FAM135B: variants seen among roughly 807,000 people sequenced by gnomAD.
FAM135B encodes protein FAM135B.
A neutral mutation model predicts 127.7 loss-of-function variants in FAM135B; 43 were observed. That is an observed-to-expected ratio of 0.34 (90% CI 0.26 to 0.43). The LOEUF (loss-of-function observed/expected upper bound fraction) is 0.43, where lower values mean the gene tolerates loss of function less well. FAM135B is among the 20% of genes least tolerant of loss of function. FAM135B has a pLI of 1.00. For missense variants in FAM135B, 1,558 were observed against 1,725.6 expected (o/e 0.90, Z 1.72); for synonymous variants, 670 against 665.1 (o/e 1.01, Z -0.11).
chr8:138,496,253 C>A (rs1028336702), intron 1 of FAM135B, among the ~76,000 whole-genome samples: 5 of 152,160 alleles, frequency 3.3e-5, no homozygotes, highest in African/African-American at 1.2e-4. Flanking sequence ...ACAGGAAGAA[C>A]GGGTCTGTGC....
chr8:138,469,682 G>A lies in FAM135B; in HGVS notation c.-20+26989C>T, dbSNP rs557776268. Among the ~76,000 whole-genome samples the A allele has an allele frequency of 3.5e-4, 54 of 152,272 alleles. No individual in the cohort carries two copies. In the South Asian group the frequency reaches 6.4e-3, roughly 18 times the overall value. On this transcript the variant is annotated intron_variant, in intron 1 of 19. Transcript: ENST00000395297. ...TGTCTTGAGGCAGGTGGCATAGCAG[G>A]ACAAATACAAGATTAGAAAGAAGAT...
At chr8:138,416,683 C>G (rs1834174338) in intron 1 of FAM135B, among the ~76,000 whole-genome samples, 1 of 152,096 alleles carries the variant, frequency 6.6e-6, no homozygotes, top group Non-Finnish European at 1.5e-5. Flanking sequence ...AAAGATTTTA[C>G]TTTTGAGCAA....
chr8:138,353,991 C>A (rs931430929), intron 2 of FAM135B, among the ~76,000 whole-genome samples: 27 of 152,098 alleles, frequency 1.8e-4, no homozygotes, highest in African/African-American at 6.0e-4. Flanking sequence ...AACTTCTTAA[C>A]CATCACTGCA....
At chr8:138,426,577 C>T (rs917517023) in intron 1 of FAM135B, among the ~76,000 whole-genome samples, 4 of 150,874 alleles carry the variant, frequency 2.7e-5, no homozygotes, top group Admixed American at 2.0e-4. Flanking sequence ...TATGAGAATG[C>T]TATTATCATT....
chr8:138,145,392 A>G (rs1209879566), intron 15 of FAM135B, among the ~76,000 whole-genome samples: 2 of 152,132 alleles, frequency 1.3e-5, no homozygotes, highest in East Asian at 3.9e-4. Context: ...CCTGGAGATC[A>G]TATATAGTAT....
intron 12 of FAM135B, among the ~76,000 whole-genome samples, chr8:138,155,391 C>T (rs1264532390): frequency 6.6e-6 from 1 of 152,144 alleles, no homozygotes; most frequent in Admixed American, 6.5e-5. Context: ...CATCAACTAA[C>T]GAGCAAAATA....
chr8:138,139,047 C>A lies in FAM135B; in HGVS notation c.3840G>T (p.Leu1280=). 1 of 1,614,008 alleles carries A rather than the reference C, an allele frequency of 6.2e-7. No homozygotes were observed. Among genetic ancestry groups the A allele is most frequent in the South Asian group, 1.1e-5 (1 of 91,064 alleles). Residue 1280 remains leucine, a synonymous_variant, in exon 18 of 20, where the codon CTG becomes CTT. Transcript: ENST00000395297. ...GCAAATCAGCATTATCCCTGAAGGT[C>A]AGCTGCAGTAGAGACCCGGATTTCT... The part of the protein sequence containing the change: ...KLKKSGSLLQ[L]TFRDNADLRK...
chr8:138,306,000 C>A (rs1587026256), intron 3 of FAM135B, among the ~76,000 whole-genome samples: 1 of 152,118 alleles, frequency 6.6e-6, no homozygotes, highest in Non-Finnish European at 1.5e-5. Flanking sequence ...GTGAAAGTAG[C>A]ATTCAATTTG....
At chr8:138,235,981 G>T (rs1254560351) in intron 7 of FAM135B, among the ~76,000 whole-genome samples, 7 of 152,130 alleles carry the variant, frequency 4.6e-5, no homozygotes, top group Non-Finnish European at 1.0e-4. Flanking sequence ...CCACTGCAAG[G>T]CCAAACCTAT....
At chr8:138,410,344 G>A (rs768212738) in intron 1 of FAM135B, among the ~76,000 whole-genome samples, 1 of 152,134 alleles carries the variant, frequency 6.6e-6, no homozygotes, top group Non-Finnish European at 1.5e-5. Context: ...CGATGCCCTT[G>A]TGTGATCCTA....
intron 1 of FAM135B, among the ~76,000 whole-genome samples, chr8:138,444,510 C>T (rs968056246): frequency 6.6e-6 from 1 of 152,110 alleles, no homozygotes. Context: ...CTCAAAACCG[C>T]TCAACTACAT....
At chr8:138,318,768 C>G (rs1587074647) in intron 2 of FAM135B, among the ~76,000 whole-genome samples, 1 of 152,174 alleles carries the variant, frequency 6.6e-6, no homozygotes, top group Admixed American at 6.5e-5. Context: ...ACTTCAAGAA[C>G]TTAATTATAT....
chr8:138,467,807 C>T (rs990675479), intron 1 of FAM135B, among the ~76,000 whole-genome samples: 1 of 152,090 alleles, frequency 6.6e-6, no homozygotes, highest in South Asian at 2.1e-4. Context: ...TATCTATAAG[C>T]AAATTTCTTG....
chr8:138,433,764 G>A (rs368056076), intron 1 of FAM135B, among the ~76,000 whole-genome samples: 4 of 152,176 alleles, frequency 2.6e-5, no homozygotes, highest in African/African-American at 9.6e-5. Context: ...GATTTAAGAA[G>A]CTCAACCCAG....
intron 15 of FAM135B, 120 bp downstream of exon 15, chr8:138,145,839 C>G: frequency 1.7e-6 from 1 of 587,800 alleles, no homozygotes; most frequent in Non-Finnish European, 3.0e-6. Context: ...GCCTGGCCAG[C>G]ATCTCTTTTC....
rs951761054 is a variant in FAM135B at position 138,278,052 on chromosome 8, C to T, written c.158-12210G>A. On this transcript the variant is annotated intron_variant, in intron 3 of 19. Transcript: ENST00000395297. ...GCCCCTTGTGCTCAGCCCCCAGCAACGTATAGAGGGCTGGCTGATGGTGCC... is the reference window on the plus strand; with the variant it reads ...GCCCCTTGTGCTCAGCCCCCAGCAATGTATAGAGGGCTGGCTGATGGTGCC... 8.5e-5 allele frequency among the ~76,000 whole-genome samples: 13 copies of T among 152,060 alleles called. No individual in the cohort carries two copies. The East Asian group carries it at 9.8e-4, about 11-fold the overall frequency.
intron 7 of FAM135B, among the ~76,000 whole-genome samples, chr8:138,232,658 C>T (rs1277534171): frequency 6.6e-6 from 1 of 152,072 alleles, no homozygotes; most frequent in East Asian, 1.9e-4. Flanking sequence ...TGCAAAAGTG[C>T]TTGACATCTT....
In FAM135B at chr8:138,388,744, G is replaced by T. The variant is rs1363196009; in HGVS notation, c.-19-20742C>A. Among the ~76,000 whole-genome samples the T allele has an allele frequency of 2.6e-5, 4 of 152,176 alleles. 1 individual carries two copies. The East Asian group carries it at 7.7e-4, about 29-fold the overall frequency. ...GTGGTGACCAAAGATTTAAGAAATA[G>T]GAAGCAGTGAACAGGCAGAGGACAG... On this transcript the variant is annotated intron_variant, in intron 1 of 19. Transcript: ENST00000395297.
intron 17 of FAM135B, 83 bp from the exon 18 acceptor site, chr8:138,139,179 G>A: frequency 1.3e-6 from 1 of 743,980 alleles, no homozygotes. Flanking sequence ...TGAGATGAAC[G>A]TTAAACTGAA....
Sources: allele counts gnomAD v4.1 joint callset (sites outside exome capture counted in the v4.1 genomes callset), GRCh38; gene constraint gnomAD v4.1.1; transcripts MANE v1.5; gene names NCBI Gene and HGNC (gene_info 2026-07-23, HGNC 2026-07-21).